The following TLK2 variants were observed in gnomAD, a reference collection of about 807,000 sequenced individuals.
TLK2 encodes serine/threonine-protein kinase tousled-like 2.
Under a neutral mutation model 117.3 loss-of-function variants are expected in TLK2, and 6 were observed. The ratio of observed to expected loss-of-function variants is 0.05; its 90% CI spans 0.03 to 0.10. The LOEUF is 0.10. Ranked by LOEUF, TLK2 falls within the 10% of genes least tolerant of loss-of-function variation. The probability of loss-of-function intolerance (pLI) is 1.00; values close to 1 mark genes in which losing one functional copy is unlikely to be tolerated. For synonymous variants in TLK2, 257 were observed against 316.7 expected (o/e 0.81, Z 2.00); for missense variants, 299 against 901.2 (o/e 0.33, Z 8.56).
intron 6 of TLK2, among the ~76,000 whole-genome samples, chr17:62,527,060 A>G (rs1443780241): frequency 6.6e-6 from 1 of 152,122 alleles, no homozygotes; most frequent in Non-Finnish European, 1.5e-5. Flanking sequence ...CTGCAGCCAC[A>G]CTGGCCTCCT....
chr17:62,564,535 CAAAAAAAAAA>C (rs58856005), intron 10 of TLK2, among the ~76,000 whole-genome samples: 3 of 63,340 alleles, frequency 4.7e-5, no homozygotes, highest in Non-Finnish European at 8.8e-5. Flanking sequence ...GACTTCGTCT[CAAAAAAAAAA>C]AAAAAAAAAA....
chr17:62,471,342 T>G (rs2070936083), intron 1 of TLK2, among the ~76,000 whole-genome samples: 4 of 152,310 alleles, frequency 2.6e-5, no homozygotes. Flanking sequence ...ACCGAATGAT[T>G]GACAGTCTGA....
chr17:62,552,700 A>AT (rs2078566356), intron 8 of TLK2, among the ~76,000 whole-genome samples: 1 of 151,878 alleles, frequency 6.6e-6, no homozygotes, highest in Admixed American at 6.6e-5. Flanking sequence ...TCCACAGAAG[A>AT]AAAGTACCTA....
Position 62,598,237 on chromosome 17 carries a change from A to G in TLK2, c.1550+1563A>G, listed in dbSNP as rs2082622465. Among the ~76,000 whole-genome samples, 3 of 152,184 alleles carry G rather than the reference A, an allele frequency of 2.0e-5. No homozygotes were observed. The South Asian group carries it at 6.2e-4, about 31-fold the overall frequency. ...TTTGCCTTGAGCAAATTTCTTGAATACTAGGTAGACCCCCCTCTCTGAACT... is the reference window on the plus strand; with the variant it reads ...TTTGCCTTGAGCAAATTTCTTGAATGCTAGGTAGACCCCCCTCTCTGAACT... On this transcript the variant is annotated intron_variant, in intron 17 of 21. Transcript: ENST00000346027.
At chr17:62,488,891 T>C in intron 2 of TLK2, among the ~76,000 whole-genome samples, 1 of 146,726 alleles carries the variant, frequency 6.8e-6, no homozygotes, top group African/African-American at 2.5e-5. Context: ...AGTGGCATGA[T>C]CATGGCTCAC....
At chr17:62,525,704 C>A (rs1195273898) in intron 6 of TLK2, among the ~76,000 whole-genome samples, 7 of 152,126 alleles carry the variant, frequency 4.6e-5, no homozygotes, top group Admixed American at 2.0e-4. Context: ...CCTGCCTCCA[C>A]CTCCCAAAGT....
At chr17:62,573,625 C>G (rs1002945334) in intron 12 of TLK2, among the ~76,000 whole-genome samples, 2 of 152,166 alleles carry the variant, frequency 1.3e-5, no homozygotes, top group Non-Finnish European at 2.9e-5. Context: ...TTGGCCACTC[C>G]TGGTTAACAA....
intron 21 of TLK2, among the ~76,000 whole-genome samples, chr17:62,611,766 C>T (rs2083789741): frequency 6.6e-6 from 1 of 152,194 alleles, no homozygotes; most frequent in African/African-American, 2.4e-5. Flanking sequence ...CTAAGACTTA[C>T]AGAAACTAAA....
At chr17:62,474,924 G>A (rs1398215326), upstream of TLK2, among the ~76,000 whole-genome samples, 2 of 151,490 alleles carry the variant, frequency 1.3e-5, no homozygotes, top group African/African-American at 2.4e-5. Flanking sequence ...AGCCTCCTAA[G>A]AGGCTGGAAC....
chr17:62,595,669 G>C (rs1299478467), intron 16 of TLK2, among the ~76,000 whole-genome samples: 1 of 151,966 alleles, frequency 6.6e-6, no homozygotes, highest in Non-Finnish European at 1.5e-5. Context: ...TTCTGCAGTG[G>C]ATGACTGTAT....
intron 17 of TLK2, among the ~76,000 whole-genome samples, chr17:62,598,777 C>G (rs971791425): frequency 6.6e-6 from 1 of 151,940 alleles, no homozygotes; most frequent in African/African-American, 2.4e-5. Context: ...CCCGCCTGGG[C>G]CTCCCAAAGT....
chr17:62,523,795 A>G (rs2076201175), intron 5 of TLK2, among the ~76,000 whole-genome samples: 2 of 152,130 alleles, frequency 1.3e-5, no homozygotes, highest in African/African-American at 2.4e-5. Flanking sequence ...GTGTCTTACA[A>G]AGATTGAGGT....
Position 62,536,325 on chromosome 17 carries a change from C to A in TLK2, c.519C>A (p.Phe173Leu), listed in dbSNP as rs1331331651. 1.2e-6 allele frequency: 2 copies of A among 1,612,264 alleles called. No homozygotes were observed. ...CGCAAAGGGGAGCTGGCCTCTGCTT[C>A]ACTTTTGTTTCAGTGAGTACAAAGC... ...QLAQRGAGLC[F>L]TFVSAQQNSP... Residue 173 changes from phenylalanine to leucine, a missense_variant, in exon 7 of 22, where the codon TTC (phenylalanine) becomes TTA (leucine). Around this residue, in one of 4 missense-constraint regions of TLK2, gnomAD observed 105 missense variants for 218.4 expected, o/e 0.48. Transcript: ENST00000346027.
chr17:62,559,944 T>C, intron 9 of TLK2, 72 bp from the exon 10 acceptor site: 1 of 1,088,072 alleles, frequency 9.2e-7, no homozygotes. Flanking sequence ...GATTTTTTTT[T>C]CTCTCCCTAG....
chr17:62,593,447 TA>T (rs952281246), intron 16 of TLK2, among the ~76,000 whole-genome samples: 46 of 152,348 alleles, frequency 3.0e-4, no homozygotes, highest in African/African-American at 1.1e-3. Context: ...ACACTTAGCT[TA>T]AAAAAATCAC....
Position 62,600,408 on chromosome 17 carries a change from A to G in TLK2, c.1551-243A>G, listed in dbSNP as rs559898959. 1.3e-4 allele frequency: 53 copies of G among 409,148 alleles called. 3 individuals are homozygous for G. Among genetic ancestry groups the G allele is most frequent in the South Asian group, 1.0e-3 (18 of 17,860 alleles). 25.3% of individuals were successfully genotyped at this position (409,148 alleles called of 1,614,324 possible). On this transcript the variant is annotated intron_variant, in intron 17 of 21. Transcript: ENST00000346027. ...GTCTAGACTCAAGAAGAGGTCTGCCATGGGTGAACTTGAGCACAACAGATT... is the reference window on the plus strand; with the variant it reads ...GTCTAGACTCAAGAAGAGGTCTGCCGTGGGTGAACTTGAGCACAACAGATT...
Position 62,522,259 on chromosome 17 carries a change from A to C in TLK2, c.209A>C (p.Tyr70Ser). 3 of 1,613,226 alleles carry C rather than the reference A, an allele frequency of 1.9e-6. No individual in the cohort carries two copies. The highest frequency in any genetic ancestry group is 2.5e-6 in the Non-Finnish European group (3 of 1,179,636). ...QRNRKRKAEP[Y>S]ETSQGKGTPR... ...AATCGGAAAAGAAAAGCTGAACCAT[A>C]TGAAACTAGCCAAGGTAGTAATAAT... The change falls in exon 4 of 22, where the codon TAT (tyrosine) becomes TCT (serine). Residue 70 changes from tyrosine (Y) to serine (S), a missense_variant. By Grantham distance (144) the Tyr-to-Ser change is moderately radical (BLOSUM62 -2). Around this residue, in one of 4 missense-constraint regions of TLK2, gnomAD observed 105 missense variants for 218.4 expected, o/e 0.48. Coordinates refer to ENST00000346027, the MANE Select transcript of TLK2 (RefSeq NM_006852.6).
rs1598715583 is a variant in TLK2 at position 62,577,963 on chromosome 17, C to T, written c.1189-514C>T. On this transcript the variant is annotated intron_variant, in intron 13 of 21. Coordinates refer to ENST00000346027, the MANE Select transcript of TLK2 (RefSeq NM_006852.6). The stretch of plus-strand genomic sequence containing the variant: ...TCGGGAGGCTGAGGCAGGAGAATCA[C>T]TTGGACCTGGGAGGCGGAGGTTGCA... Among the ~76,000 whole-genome samples the T allele has an allele frequency of 1.3e-5, 2 of 152,178 alleles. 1 individual carries two copies. Among genetic ancestry groups the T allele is most frequent in the East Asian group, 3.8e-4 (2 of 5,196 alleles).
chr17:62,478,583 G>A (rs1268985155), upstream of TLK2, among the ~76,000 whole-genome samples: 1 of 150,510 alleles, frequency 6.6e-6, no homozygotes, highest in South Asian at 2.1e-4. Flanking sequence ...TCAGCCGTCC[G>A]GCGAGGCGCG....
Sources: allele counts gnomAD v4.1 joint callset (sites outside exome capture counted in the v4.1 genomes callset), GRCh38; gene constraint gnomAD v4.1.1; regional missense constraint gnomAD v4.1.1; transcripts MANE v1.5; gene names NCBI Gene and HGNC (gene_info 2026-07-23, HGNC 2026-07-21).